Variants in PTPRD observed in about 807,000 individuals in gnomAD.
PTPRD encodes the protein protein tyrosine phosphatase receptor type D.
Under a neutral mutation model 214.5 loss-of-function variants are expected in PTPRD, and 34 were observed. The observed-to-expected ratio is 0.16, with a 90% CI of 0.12 to 0.21. The LOEUF (loss-of-function observed/expected upper bound fraction) is 0.21. PTPRD is among the 10% of genes least tolerant of loss of function. The pLI is 1.00. For synonymous variants in PTPRD, 1,128 were observed against 845.7 expected, an observed-to-expected ratio of 1.33 and a Z score of -5.79; for missense variants, 2,545 against 2,398.7, an observed-to-expected ratio of 1.06 and a Z score of -1.27.
intron 5 of PTPRD, among the ~76,000 whole-genome samples, chr9:9,781,710 C>A (rs1272354201): frequency 6.6e-6 from 1 of 151,596 alleles, no homozygotes; most frequent in Non-Finnish European, 1.5e-5. Context: ...TATTCTCTCT[C>A]TATCCAGTAG....
chr9:8,488,988 C>T (rs531358806), intron 27 of PTPRD, among the ~76,000 whole-genome samples: 7 of 152,156 alleles, frequency 4.6e-5, no homozygotes, highest in East Asian at 1.9e-4. Flanking sequence ...ATATATACAC[C>T]GTGTATCCTG....
At chr9:8,918,570 C>T (rs768424554) in intron 11 of PTPRD, among the ~76,000 whole-genome samples, 20 of 151,858 alleles carry the variant, frequency 1.3e-4, no homozygotes, top group Non-Finnish European at 2.5e-4. Context: ...TGTGTATGTG[C>T]GTGTGTGTGT....
At chr9:9,595,953 A>AT (rs1010403867) in intron 7 of PTPRD, among the ~76,000 whole-genome samples, 207 of 152,088 alleles carry the variant, frequency 1.4e-3, no homozygotes, top group African/African-American at 4.8e-3. Context: ...AAATAAAAAA[A>AT]AAATAAAAAA....
chr9:8,330,017 G>A (rs1221272481), intron 44 of PTPRD, among the ~76,000 whole-genome samples: 1 of 152,094 alleles, frequency 6.6e-6, no homozygotes, highest in Admixed American at 6.5e-5. Flanking sequence ...GGCACTGGAG[G>A]GAATCTCCTG....
At chr9:10,516,809 G>A (rs887223237) in intron 2 of PTPRD, among the ~76,000 whole-genome samples, 1 of 151,720 alleles carries the variant, frequency 6.6e-6, no homozygotes, top group African/African-American at 2.4e-5. Context: ...AGTTTTCCCA[G>A]CACCATTTGC....
intron 7 of PTPRD, among the ~76,000 whole-genome samples, chr9:9,591,010 C>G (rs1395500428): frequency 1.3e-5 from 2 of 151,954 alleles, no homozygotes; most frequent in Non-Finnish European, 2.9e-5. Context: ...CAGCACGACC[C>G]CCTAAAGGTG....
At chr9:8,957,528 C>T (rs1398228664) in intron 11 of PTPRD, among the ~76,000 whole-genome samples, 1 of 151,734 alleles carries the variant, frequency 6.6e-6, no homozygotes, top group East Asian at 1.9e-4. Flanking sequence ...ATGCAAGCAC[C>T]CTCTCATCAA....
At chr9:8,845,413 C>G (rs1056523356) in intron 11 of PTPRD, among the ~76,000 whole-genome samples, 1 of 152,208 alleles carries the variant, frequency 6.6e-6, no homozygotes, top group Non-Finnish European at 1.5e-5. Context: ...ATACTCCTCT[C>G]CTGGCTAGCT....
intron 4 of PTPRD, among the ~76,000 whole-genome samples, chr9:9,947,371 ATATT>A (rs1446658308): frequency 1.8e-5 from 1 of 56,926 alleles, no homozygotes; most frequent in African/African-American, 7.8e-5. Context: ...TATTATATAT[ATATT>A]ATATATATTT....
intron 10 of PTPRD, among the ~76,000 whole-genome samples, chr9:9,019,317 A>AAAGAAAGG (rs2099552106): frequency 5.8e-4 from 68 of 116,954 alleles, no homozygotes; most frequent in Non-Finnish European, 6.4e-4. Flanking sequence ...AGAAAGAAAG[A>AAAGAAAGG]AAGAAAGAAA....
At chr9:10,299,731 G>T (rs1356773149) in intron 3 of PTPRD, among the ~76,000 whole-genome samples, 1 of 152,134 alleles carries the variant, frequency 6.6e-6, no homozygotes, top group Non-Finnish European at 1.5e-5. Flanking sequence ...GCTGGAAGCA[G>T]ATACATTTAG....
At position 9,318,208 on chromosome 9, in the gene PTPRD, AAAAC is replaced by A. The variant is rs1233100813; in HGVS notation, c.-203+79237_-203+79240del. Among the ~76,000 whole-genome samples the A allele has an allele frequency of 6.7e-5, 10 of 148,770 alleles. 1 individual carries two copies. The South Asian group carries it at 1.7e-3, about 26-fold the overall frequency. ...AAAAAACAAAACAAACAAACAAACA[AAAAC>A]AAACAAAAAACCAAAAAAAAAAAAA... On this transcript the variant is annotated intron_variant, in intron 9 of 45. Coordinates refer to ENST00000381196, the MANE Select transcript of PTPRD (RefSeq NM_002839.4).
At chr9:9,888,355 C>G (rs2071783485) in intron 5 of PTPRD, among the ~76,000 whole-genome samples, 1 of 152,148 alleles carries the variant, frequency 6.6e-6, no homozygotes, top group Non-Finnish European at 1.5e-5. Flanking sequence ...ATATAGAGGA[C>G]TACTGCCATC....
At chr9:9,923,074 C>T (rs1171759981) in intron 5 of PTPRD, among the ~76,000 whole-genome samples, 3 of 149,498 alleles carry the variant, frequency 2.0e-5, no homozygotes, top group African/African-American at 7.5e-5. Flanking sequence ...GGTGAAAGAC[C>T]ATGTAACGTA....
chr9:9,931,918 C>T (rs1280150269), intron 5 of PTPRD, among the ~76,000 whole-genome samples: 3 of 151,402 alleles, frequency 2.0e-5, no homozygotes, highest in Admixed American at 6.6e-5. Context: ...GGTCCCTGAC[C>T]CCTGACCCCC....
At chr9:8,405,797 G>C (rs1333510212) in intron 35 of PTPRD, among the ~76,000 whole-genome samples, 1 of 151,938 alleles carries the variant, frequency 6.6e-6, no homozygotes, top group Non-Finnish European at 1.5e-5. Context: ...AGTTATTTTT[G>C]ATGCCGGGTA....
intron 8 of PTPRD, among the ~76,000 whole-genome samples, chr9:9,547,231 G>A (rs920179048): frequency 4.6e-5 from 7 of 152,006 alleles, no homozygotes; most frequent in Non-Finnish European, 1.0e-4. Context: ...GAAAAAGTAC[G>A]CAGTCATCCT....
chr9:9,577,588 A>T (rs2089319177), intron 7 of PTPRD, among the ~76,000 whole-genome samples: 1 of 152,052 alleles, frequency 6.6e-6, no homozygotes, highest in Non-Finnish European at 1.5e-5. Context: ...AAAAATAAAT[A>T]AAAAGGAGTT....
intron 11 of PTPRD, among the ~76,000 whole-genome samples, chr9:8,894,108 C>A (rs950374321): frequency 2.0e-5 from 3 of 152,038 alleles, no homozygotes; most frequent in Non-Finnish European, 4.4e-5. Flanking sequence ...AATCCCAGCA[C>A]TTTTGGAGGC....
Sources: gnomAD v4.1 joint callset for allele counts (sites outside exome capture counted in the v4.1 genomes callset) on GRCh38, gnomAD v4.1.1 for gene constraint, MANE v1.5 for transcripts, NCBI Gene and HGNC (gene_info 2026-07-23, HGNC 2026-07-21) for gene names.